Variants in PI4KA observed in about 807,000 individuals in gnomAD.
PI4KA encodes the protein PI4-kinase alpha.
In PI4KA, 122 loss-of-function variants were observed where a neutral mutation model predicts 271.4. The observed-to-expected ratio is 0.45, with a 90% CI of 0.39 to 0.52. The LOEUF is 0.52. Ranked by LOEUF, PI4KA falls within the 20% of genes least tolerant of loss-of-function variation. The pLI is 0.00. For missense variants in PI4KA, 1,969 were observed against 2,769.1 expected (o/e 0.71, Z 6.48); for synonymous variants, 1,041 against 1,078.8 (o/e 0.96, Z 0.69).
rs1925556083 is a variant in PI4KA at position 20,713,274 on chromosome 22, T to G, written c.5571+7A>C. 1 of 1,566,470 alleles carries G rather than the reference T, an allele frequency of 6.4e-7. No individual in the cohort carries two copies. Among genetic ancestry groups the G allele is most frequent in the Non-Finnish European group, 8.7e-7 (1 of 1,152,678 alleles). ...CCCAAGCCTACTCGAGGCCTGACCC[T>G]GCTTACCTGCCGGCAGTCGTCTCCC... On this transcript the variant is annotated splice_region_variant and intron_variant, in intron 48 of 54. Transcript: ENST00000255882.
At chr22:20,812,041 A>G (rs1212370228) in intron 8 of PI4KA, among the ~76,000 whole-genome samples, 2 of 151,734 alleles carry the variant, frequency 1.3e-5, no homozygotes, top group Non-Finnish European at 2.9e-5. Context: ...AAGAAAACCT[A>G]AACTTGAAGA....
intron 18 of PI4KA, chr22:20,793,451 G>A: frequency 4.1e-6 from 2 of 489,504 alleles, no homozygotes; most frequent in South Asian, 3.0e-5. Flanking sequence ...AATAAACCAT[G>A]GTTACATAAA....
At chr22:20,851,236 G>GCCTA (rs1286780825) in intron 1 of PI4KA, among the ~76,000 whole-genome samples, 1 of 151,832 alleles carries the variant, frequency 6.6e-6, no homozygotes, top group African/African-American at 2.4e-5. Flanking sequence ...TAATACCAGG[G>GCCTA]CCTAGCACAG....
At chr22:20,777,076 G>C (rs1257355354) in intron 19 of PI4KA, among the ~76,000 whole-genome samples, 2 of 151,784 alleles carry the variant, frequency 1.3e-5, no homozygotes, top group Non-Finnish European at 2.9e-5. Context: ...TTGAGATAAG[G>C]ACTCACTCTA....
intron 1 of PI4KA, among the ~76,000 whole-genome samples, chr22:20,855,413 G>A (rs920225695): frequency 3.3e-5 from 5 of 152,080 alleles, no homozygotes; most frequent in African/African-American, 7.2e-5. Context: ...AGGATGAGAG[G>A]AATTCACATA....
intron 13 of PI4KA, 92 bp from the exon 14 acceptor site, chr22:20,802,197 C>T (rs1935374149): frequency 8.4e-7 from 1 of 1,186,434 alleles, no homozygotes; most frequent in Non-Finnish European, 1.2e-6. Context: ...ATATGCTGAT[C>T]ATTTATAAAA....
At chr22:20,831,499 C>T (rs1466696137) in intron 3 of PI4KA, among the ~76,000 whole-genome samples, 1 of 151,992 alleles carries the variant, frequency 6.6e-6, no homozygotes, top group Non-Finnish European at 1.5e-5. Context: ...ACCTGGGAGG[C>T]GGAGGTTGTA....
chr22:20,802,540 TTTTG>T (rs1935389811), intron 13 of PI4KA, among the ~76,000 whole-genome samples: 1 of 152,092 alleles, frequency 6.6e-6, no homozygotes, highest in South Asian at 2.1e-4. Flanking sequence ...AAGTCTTGTT[TTTTG>T]TTTGTTTTTG....
chr22:20,792,270 A>C (rs1934690977), intron 19 of PI4KA, among the ~76,000 whole-genome samples: 2 of 152,180 alleles, frequency 1.3e-5, no homozygotes, highest in South Asian at 2.1e-4. Flanking sequence ...GGTTGGGAAT[A>C]ATGATGAACA....
intron 19 of PI4KA, among the ~76,000 whole-genome samples, chr22:20,791,432 T>C (rs997297337): frequency 1.3e-5 from 2 of 152,114 alleles, no homozygotes; most frequent in Non-Finnish European, 2.9e-5. Context: ...CAACATTAGC[T>C]ACACAGTGGG....
At chr22:20,821,626 CTT>C (rs1450014156) in intron 4 of PI4KA, among the ~76,000 whole-genome samples, 11 of 151,470 alleles carry the variant, frequency 7.3e-5, no homozygotes, top group Admixed American at 2.0e-4. Context: ...CGGTTTCACT[CTT>C]GTTGCCCAGG....
chr22:20,719,398 T>C (rs1178968797), intron 43 of PI4KA, among the ~76,000 whole-genome samples: 1 of 151,898 alleles, frequency 6.6e-6, no homozygotes, highest in Admixed American at 6.6e-5. Context: ...AGCTAGTAGG[T>C]GGGACTACAG....
intron 30 of PI4KA, among the ~76,000 whole-genome samples, chr22:20,743,138 A>G (rs978302410): frequency 3.3e-5 from 5 of 152,040 alleles, no homozygotes; most frequent in Non-Finnish European, 7.4e-5. Context: ...TCAAACAACA[A>G]TATCAGCCTC....
intron 47 of PI4KA, among the ~76,000 whole-genome samples, chr22:20,714,048 C>A (rs1171743647): frequency 6.6e-6 from 1 of 152,228 alleles, no homozygotes; most frequent in African/African-American, 2.4e-5. Flanking sequence ...AGTGCCAGGA[C>A]TGCTGGCAAC....
rs1388174506 is a variant in PI4KA, at chr22:20,808,609, T to G, written c.1072-1151A>C. Among the ~76,000 whole-genome samples, 7 of 148,378 alleles carry G rather than the reference T, an allele frequency of 4.7e-5. No homozygotes were observed. The East Asian group carries it at 1.4e-3, about 30-fold the overall frequency. ...CGTCTCAAAAAAAAAAAAAAAAAGA[T>G]AACAGTCCTTAACTTCTATATACTC... is the stretch of plus-strand genomic sequence containing the variant. On this transcript the variant is annotated intron_variant, in intron 9 of 54. Coordinates refer to ENST00000255882, the MANE Select transcript of PI4KA (RefSeq NM_058004.4).
intron 1 of PI4KA, among the ~76,000 whole-genome samples, chr22:20,855,491 C>A (rs1022938410): frequency 6.6e-6 from 1 of 152,194 alleles, no homozygotes; most frequent in African/African-American, 2.4e-5. Flanking sequence ...GGTCCCCAGA[C>A]TGCCCACATG....
chr22:20,779,693 C>T, intron 19 of PI4KA: 1 of 1,614,256 alleles, frequency 6.2e-7, no homozygotes, highest in East Asian at 2.2e-5. Flanking sequence ...AGCGTCTTAA[C>T]ATCCTCAACG....
At chr22:20,722,912 T>G (rs1292290644) in intron 42 of PI4KA, among the ~76,000 whole-genome samples, 1 of 152,226 alleles carries the variant, frequency 6.6e-6, no homozygotes, top group Non-Finnish European at 1.5e-5. Flanking sequence ...TAAGTTTGCT[T>G]TTTAATTATG....
intron 32 of PI4KA, among the ~76,000 whole-genome samples, chr22:20,736,036 G>C (rs1464401087): frequency 6.6e-6 from 1 of 152,014 alleles, no homozygotes; most frequent in Non-Finnish European, 1.5e-5. Flanking sequence ...TCTATGGTGG[G>C]GACCACAGAC....
Sources: allele counts gnomAD v4.1 joint callset (sites outside exome capture counted in the v4.1 genomes callset), GRCh38; gene constraint gnomAD v4.1.1; transcripts MANE v1.5; gene names NCBI Gene and HGNC (gene_info 2026-07-23, HGNC 2026-07-21).